PCNX2: variants seen among roughly 807,000 people sequenced by gnomAD.
The protein encoded by PCNX2 is pecanex-like protein 2.
PCNX2 carries 168 observed loss-of-function variants against 223.8 expected under a neutral mutation model. That is an observed-to-expected ratio of 0.75 (90% confidence interval 0.66 to 0.85). The LOEUF is 0.85. Ranked by LOEUF, PCNX2 falls within the 40% of genes least tolerant of loss-of-function variation. The probability of loss-of-function intolerance (pLI) is 0.00; values close to 1 mark genes in which losing one functional copy is unlikely to be tolerated. For synonymous variants in PCNX2, 1,006 were observed against 1,052.6 expected (o/e 0.96, Z 0.86); for missense variants, 2,507 against 2,675.5 (o/e 0.94, Z 1.39).
chr1:233,231,612 T>C, intron 9 of PCNX2: 1 of 973,432 alleles, frequency 1.0e-6, no homozygotes, highest in Non-Finnish European at 1.2e-6. Context: ...AACGTATCTG[T>C]AGATTTTACC....
the PCNX2 span, among the ~76,000 whole-genome samples, chr1:233,305,327 T>C: frequency 6.6e-5 from 10 of 152,244 alleles, no homozygotes; most frequent in Non-Finnish European, 1.2e-4. Flanking sequence ...AATGGAGTTA[T>C]ATTGTTAGTT....
rs573073489 is a variant in PCNX2 at position 233,083,546 on chromosome 1, G to A, written c.4076+6515C>T. On this transcript the variant is annotated intron_variant, in intron 23 of 33. Coordinates refer to ENST00000258229, the MANE Select transcript of PCNX2 (RefSeq NM_014801.4). ...GGGCTACCGTAATTCCTAAGGGTCC[G>A]TGCTATACTTATGTCTATATTACAA... Among the ~76,000 whole-genome samples, 7 of 152,304 alleles carry A rather than the reference G, an allele frequency of 4.6e-5. No individual in the cohort carries two copies. In the South Asian group the frequency reaches 1.2e-3, roughly 27 times the overall value.
At chr1:232,992,604 C>A (rs575353087) in intron 32 of PCNX2, among the ~76,000 whole-genome samples, 2 of 152,330 alleles carry the variant, frequency 1.3e-5, no homozygotes, top group South Asian at 4.1e-4. Flanking sequence ...ATCACAAGTT[C>A]TGGGGCCAGC....
chr1:233,118,009 C>CAAAA (rs35266392), intron 21 of PCNX2, among the ~76,000 whole-genome samples: 1 of 115,416 alleles, frequency 8.7e-6, no homozygotes, highest in South Asian at 2.8e-4. Flanking sequence ...GACTCCGTCT[C>CAAAA]AAAAAAAAAA....
At chr1:233,086,409 G>A (rs1673601719) in intron 23 of PCNX2, among the ~76,000 whole-genome samples, 1 of 152,156 alleles carries the variant, frequency 6.6e-6, no homozygotes, top group Non-Finnish European at 1.5e-5. Flanking sequence ...TGTAATCCCA[G>A]CACTTTGGGA....
At chr1:233,177,671 G>A in intron 17 of PCNX2, 131 bp downstream of exon 17, 2 of 710,804 alleles carry the variant, frequency 2.8e-6, no homozygotes, top group Non-Finnish European at 4.6e-6. Context: ...CAGTGTGCCA[G>A]GTACCAAGCG....
intron 32 of PCNX2, among the ~76,000 whole-genome samples, chr1:232,994,013 G>A (rs977069357): frequency 2.0e-5 from 3 of 152,216 alleles, no homozygotes; most frequent in South Asian, 2.1e-4. Flanking sequence ...CTGCAGGGGC[G>A]GAGTTCTCAT....
At position 233,196,010 on chromosome 1, in the gene PCNX2, G is replaced by C. The variant is rs556401609; in HGVS notation, c.3066+2929C>G. On this transcript the variant is annotated intron_variant, in intron 15 of 33. Coordinates refer to ENST00000258229, the MANE Select transcript of PCNX2 (RefSeq NM_014801.4). Reference sequence around the variant, plus strand: ...AATAAAATTGGGAGACACACTATCTGATTTCAAAGCATATTATATAGCTGC... The same window carrying C: ...AATAAAATTGGGAGACACACTATCTCATTTCAAAGCATATTATATAGCTGC... Among the ~76,000 whole-genome samples, 8 of 152,236 alleles carry C rather than the reference G, an allele frequency of 5.3e-5. No homozygotes were observed. The East Asian group carries it at 1.5e-3, about 29-fold the overall frequency.
Position 232,993,533 on chromosome 1 carries a change from G to T in PCNX2, c.5791+4718C>A, listed in dbSNP as rs137867990. On this transcript the variant is annotated intron_variant, in intron 32 of 33. Coordinates refer to ENST00000258229, the MANE Select transcript of PCNX2 (RefSeq NM_014801.4). ...AAAGGAAGCAGAGTATAAAGGTTTG[G>T]AAAATTTGCAGCCTGACGATGGAGT... Among the ~76,000 whole-genome samples, 126 of 152,328 alleles carry T rather than the reference G, an allele frequency of 8.3e-4. 1 individual carries two copies. Among genetic ancestry groups the T allele is most frequent in the African/African-American group, 2.7e-3 (111 of 41,582 alleles).
chr1:233,251,870 A>T (rs1659473540), intron 7 of PCNX2, among the ~76,000 whole-genome samples: 2 of 152,252 alleles, frequency 1.3e-5, no homozygotes, highest in African/African-American at 4.8e-5. Context: ...ACTATTTTAA[A>T]TCCTTTTTAT....
At chr1:233,192,503 A>G (rs1187656501) in intron 15 of PCNX2, among the ~76,000 whole-genome samples, 1 of 152,228 alleles carries the variant, frequency 6.6e-6, no homozygotes, top group Non-Finnish European at 1.5e-5. Context: ...TCAAAGACAT[A>G]TTCTCACTGC....
At chr1:233,261,853 T>C (rs1660064764) in intron 3 of PCNX2, among the ~76,000 whole-genome samples, 192 bp downstream of exon 3, 1 of 152,198 alleles carries the variant, frequency 6.6e-6, no homozygotes, top group South Asian at 2.1e-4. Context: ...AACACACGAC[T>C]GGGCATTTAT....
At chr1:233,220,928 A>G (rs1657338819) in intron 10 of PCNX2, among the ~76,000 whole-genome samples, 1 of 152,160 alleles carries the variant, frequency 6.6e-6, no homozygotes, top group African/African-American at 2.4e-5. Context: ...ACGTATACAG[A>G]TTTCACAGAT....
At chr1:233,207,975 GA>G (rs1413186364) in intron 13 of PCNX2, among the ~76,000 whole-genome samples, 1 of 150,720 alleles carries the variant, frequency 6.6e-6, no homozygotes, top group Non-Finnish European at 1.5e-5. Flanking sequence ...TTTTTTTTGA[GA>G]AAGAGTTTCA....
intron 17 of PCNX2, among the ~76,000 whole-genome samples, chr1:233,174,772 G>A (rs1679374413): frequency 6.6e-6 from 1 of 152,104 alleles, no homozygotes; most frequent in Non-Finnish European, 1.5e-5. Flanking sequence ...AAGACAAATA[G>A]AAAAAGACTA....
chr1:233,235,925 T>C (rs1210757369), intron 9 of PCNX2, among the ~76,000 whole-genome samples: 2 of 130,226 alleles, frequency 1.5e-5, no homozygotes, highest in Non-Finnish European at 3.2e-5. Flanking sequence ...GAGCATCCTT[T>C]GGAAAAATGT....
upstream of PCNX2, among the ~76,000 whole-genome samples, chr1:233,298,745 C>T (rs1483076681): frequency 2.0e-5 from 3 of 151,926 alleles, no homozygotes; most frequent in African/African-American, 7.3e-5. Flanking sequence ...AAAAATGAGC[C>T]GGGTGTGGTG....
intron 1 of PCNX2, among the ~76,000 whole-genome samples, chr1:233,278,068 C>T (rs1276711627): frequency 6.6e-6 from 1 of 152,216 alleles, no homozygotes; most frequent in East Asian, 1.9e-4. Context: ...ATCTGCACCA[C>T]TCATAGACAG....
intron 23 of PCNX2, among the ~76,000 whole-genome samples, chr1:233,059,849 T>C (rs3806217): frequency 0.036 from 5,502 of 152,302 alleles, 136 homozygotes; most frequent in East Asian, 0.082. Context: ...TTGTCAGAAA[T>C]GGTGCTTAAG....
Sources: gnomAD v4.1 joint callset for allele counts (sites outside exome capture counted in the v4.1 genomes callset) on GRCh38, gnomAD v4.1.1 for gene constraint, MANE v1.5 for transcripts, NCBI Gene and HGNC (gene_info 2026-07-23, HGNC 2026-07-21) for gene names.